The following PDE11A variants were observed in gnomAD, a reference collection of about 807,000 sequenced individuals.
PDE11A encodes dual 3',5'-cyclic-AMP and -GMP phosphodiesterase 11A.
A neutral mutation model predicts 100.5 loss-of-function variants in PDE11A; 100 were observed. The ratio of observed to expected loss-of-function variants is 1.00; its 90% CI spans 0.85 to 1.18. The LOEUF is 1.18. Ranked by LOEUF, PDE11A falls within the 50% of genes most tolerant of loss-of-function variation. The pLI, the probability that PDE11A is intolerant of heterozygous loss-of-function variation, is 0.00. For missense variants in PDE11A, 1,141 were observed against 1,152.6 expected, an observed-to-expected ratio of 0.99 and a Z score of 0.15; for synonymous variants, 381 against 420.8, an observed-to-expected ratio of 0.91 and a Z score of 1.16.
At chr2:178,002,321 T>C (rs1029248818) in intron 2 of PDE11A, among the ~76,000 whole-genome samples, 6 of 152,216 alleles carry the variant, frequency 3.9e-5, no homozygotes, top group African/African-American at 1.4e-4. Context: ...CCACTGTTCA[T>C]GGGCATCTAG....
intron 19 of PDE11A, among the ~76,000 whole-genome samples, chr2:177,657,695 T>G (rs999130771): frequency 2.7e-5 from 4 of 145,828 alleles, no homozygotes; most frequent in African/African-American, 5.0e-5. Flanking sequence ...AAGAGGCGGG[T>G]GAGAGAGAGG....
At chr2:177,761,204 G>A (rs1307377509) in intron 10 of PDE11A, among the ~76,000 whole-genome samples, 7 of 152,080 alleles carry the variant, frequency 4.6e-5, no homozygotes, top group African/African-American at 1.7e-4. Context: ...GAGGATAGGA[G>A]TACCTATCCT....
chr2:177,876,560 A>G lies in PDE11A; in HGVS notation c.1303-637T>C, dbSNP rs554744865. On this transcript the variant is annotated intron_variant, in intron 4 of 19. Coordinates refer to ENST00000286063, the MANE Select transcript of PDE11A (RefSeq NM_016953.4). ...AAATGTCAATGTAGTTTTTCTTATT[A>G]TTAGCTAATATTGAGTTTACACTGT... Among the ~76,000 whole-genome samples, 4 of 148,614 alleles carry G rather than the reference A, an allele frequency of 2.7e-5. No homozygotes were observed. In the East Asian group the frequency reaches 7.7e-4, roughly 29 times the overall value.
chr2:177,695,335 G>T (rs1258605710), intron 15 of PDE11A, among the ~76,000 whole-genome samples: 1 of 152,014 alleles, frequency 6.6e-6, no homozygotes, highest in Non-Finnish European at 1.5e-5. Context: ...AACATTTCAA[G>T]TCCTCTCTTG....
chr2:177,699,529 G>A lies in PDE11A; in HGVS notation c.2244+1592C>T, dbSNP rs531973395. On this transcript the variant is annotated intron_variant, in intron 14 of 19. Coordinates refer to ENST00000286063, the MANE Select transcript of PDE11A (RefSeq NM_016953.4). ...ATGCAAATTAGTCTTCTATTTTCACGTTATGTGCCTTAACGTTTTGGTCCC... is the reference window on the plus strand; with the variant it reads ...ATGCAAATTAGTCTTCTATTTTCACATTATGTGCCTTAACGTTTTGGTCCC... Among the ~76,000 whole-genome samples the A allele has an allele frequency of 5.3e-5, 8 of 152,206 alleles. No homozygotes were observed. The East Asian group carries it at 5.8e-4, about 11-fold the overall frequency.
chr2:177,669,951 CTTT>C (rs940480532), intron 17 of PDE11A, among the ~76,000 whole-genome samples: 2 of 152,124 alleles, frequency 1.3e-5, no homozygotes, highest in Non-Finnish European at 2.9e-5. Flanking sequence ...AGTTTAGCCA[CTTT>C]TTATTATTTC....
At chr2:177,907,205 G>A (rs1316694219) in intron 2 of PDE11A, among the ~76,000 whole-genome samples, 1 of 151,972 alleles carries the variant, frequency 6.6e-6, no homozygotes, top group African/African-American at 2.4e-5. Context: ...GTTTTGCTGT[G>A]TGAAGTGCAA....
In PDE11A at chr2:178,071,850, C is replaced by A. The variant is rs745688146; in HGVS notation, c.588G>T (p.Leu196=). Residue 196 remains leucine, a synonymous_variant, in exon 1 of 20, where the codon CTG becomes CTT. Coordinates refer to ENST00000286063, the MANE Select transcript of PDE11A (RefSeq NM_016953.4). ...PPTAIDYKCH[L]KKHNERQFFL... ...AGAACTGACGCTCATTATGCTTTTT[C>A]AGATGGCACTTGTAGTCGATGGCTG... 16 of 1,613,974 alleles carry A rather than the reference C, an allele frequency of 9.9e-6. No homozygotes were observed. The Admixed American group carries it at 1.3e-4, about 13-fold the overall frequency.
intron 2 of PDE11A, among the ~76,000 whole-genome samples, chr2:178,007,366 G>C (rs1287768166): frequency 6.6e-6 from 1 of 152,122 alleles, no homozygotes; most frequent in Non-Finnish European, 1.5e-5. Flanking sequence ...GTAAACAGTT[G>C]GATGGATTAT....
chr2:177,949,546 T>C (rs2085482090), intron 2 of PDE11A, among the ~76,000 whole-genome samples: 1 of 152,226 alleles, frequency 6.6e-6, no homozygotes, highest in Non-Finnish European at 1.5e-5. Flanking sequence ...GCCTGCTTCC[T>C]GCTCTATTAT....
intron 10 of PDE11A, among the ~76,000 whole-genome samples, chr2:177,743,203 G>A (rs1471767977): frequency 6.6e-6 from 1 of 152,186 alleles, no homozygotes; most frequent in African/African-American, 2.4e-5. Context: ...TGAAACTCAA[G>A]TTTTAAATAA....
At chr2:178,101,193 C>T (rs546006024) in intron 2 of PDE11A, among the ~76,000 whole-genome samples, 6 of 152,256 alleles carry the variant, frequency 3.9e-5, no homozygotes, top group Admixed American at 6.5e-5. Flanking sequence ...ACAACCTCAT[C>T]GACTTCAATA....
At chr2:177,761,623 G>A (rs2082170866) in intron 10 of PDE11A, among the ~76,000 whole-genome samples, 1 of 152,164 alleles carries the variant, frequency 6.6e-6, no homozygotes, top group South Asian at 2.1e-4. Flanking sequence ...CAAATGAGAA[G>A]GTCACTTTTG....
intron 4 of PDE11A, among the ~76,000 whole-genome samples, chr2:177,897,544 G>A (rs1020270257): frequency 2.6e-5 from 4 of 152,232 alleles, no homozygotes; most frequent in Non-Finnish European, 5.9e-5. Context: ...GAAGGGCCCA[G>A]CTTCGGTTGG....
At chr2:177,744,962 C>A (rs1183493210) in intron 10 of PDE11A, among the ~76,000 whole-genome samples, 2 of 152,190 alleles carry the variant, frequency 1.3e-5, no homozygotes, top group African/African-American at 4.8e-5. Context: ...CACAGCCAAC[C>A]CATCGCTCAA....
At chr2:177,953,914 C>T (rs2085531624) in intron 2 of PDE11A, among the ~76,000 whole-genome samples, 1 of 151,988 alleles carries the variant, frequency 6.6e-6, no homozygotes, top group African/African-American at 2.4e-5. Context: ...CTTGCAAAAT[C>T]GAATAATGCT....
intron 1 of PDE11A, among the ~76,000 whole-genome samples, chr2:178,060,243 C>G (rs2086950955): frequency 6.6e-6 from 1 of 152,148 alleles, no homozygotes; most frequent in African/African-American, 2.4e-5. Context: ...TTGTGTTACT[C>G]CTGTGTGCCA....
chr2:177,844,202 T>C lies in PDE11A; in HGVS notation c.1368-3819A>G, dbSNP rs574829774. 3.3e-5 allele frequency among the ~76,000 whole-genome samples: 5 copies of C among 152,328 alleles called. No homozygotes were observed. In the South Asian group the frequency reaches 1.0e-3, roughly 32 times the overall value. On this transcript the variant is annotated intron_variant, in intron 5 of 19. Coordinates refer to ENST00000286063, the MANE Select transcript of PDE11A (RefSeq NM_016953.4). ...AACAAATATTTATTTATCACAGTTTTGAGACTAGGAAGACCAAGATCAAGG... is the reference window on the plus strand; with the variant it reads ...AACAAATATTTATTTATCACAGTTTCGAGACTAGGAAGACCAAGATCAAGG...
At chr2:177,935,377 A>G (rs34747248) in intron 2 of PDE11A, among the ~76,000 whole-genome samples, 13,161 of 152,270 alleles carry the variant, frequency 0.086, 537 homozygotes, top group South Asian at 0.099. Flanking sequence ...AGGTCCAGAA[A>G]ACAAGAGTAG....
Sources: allele counts gnomAD v4.1 joint callset (sites outside exome capture counted in the v4.1 genomes callset), GRCh38; gene constraint gnomAD v4.1.1; transcripts MANE v1.5; gene names NCBI Gene and HGNC (gene_info 2026-07-23, HGNC 2026-07-21).